Variants in HDAC4 observed in about 807,000 individuals in gnomAD.
HDAC4 encodes histone deacetylase 4, also known as histone deacetylase A.
HDAC4 carries 16 observed loss-of-function variants against 135.1 expected under a neutral mutation model. The ratio of observed to expected loss-of-function variants is 0.12; its 90% confidence interval spans 0.08 to 0.18. The LOEUF (loss-of-function observed/expected upper bound fraction) is 0.18. HDAC4 is among the 10% of genes least tolerant of loss of function. HDAC4 has a pLI of 1.00. For synonymous variants in HDAC4, 685 were observed against 653.4 expected, an observed-to-expected ratio of 1.05 and a Z score of -0.74; for missense variants, 1,143 against 1,511.8, an observed-to-expected ratio of 0.76 and a Z score of 4.05.
intron 6 of HDAC4, chr2:239,161,906 G>A: frequency 2.8e-6 from 1 of 363,446 alleles, no homozygotes; most frequent in Non-Finnish European, 5.5e-6. Flanking sequence ...CTTCTCCCGT[G>A]GCCTCCTTGA....
At chr2:239,342,560 CAG>C (rs1036885582) in intron 2 of HDAC4, among the ~76,000 whole-genome samples, 2 of 152,146 alleles carry the variant, frequency 1.3e-5, no homozygotes, top group African/African-American at 4.8e-5. Context: ...TTTGAAAGTA[CAG>C]AGTCTTGGTG....
chr2:239,100,346 G>A (rs1284966453), intron 16 of HDAC4, among the ~76,000 whole-genome samples: 1 of 152,192 alleles, frequency 6.6e-6, no homozygotes, highest in East Asian at 1.9e-4. Context: ...TGACATCACC[G>A]TATCTTCCAG....
intron 14 of HDAC4, among the ~76,000 whole-genome samples, chr2:239,110,906 GC>G (rs1432300034): frequency 1.3e-5 from 2 of 152,206 alleles, no homozygotes; most frequent in Non-Finnish European, 1.5e-5. Context: ...CCAGGGCCCG[GC>G]CCCTCCTGCC....
In HDAC4 at chr2:239,113,817, A is replaced by G. The variant is rs753038520; in HGVS notation, c.1791+1236T>C. On this transcript the variant is annotated intron_variant, in intron 13 of 26. Coordinates refer to ENST00000543185, the MANE Select transcript of HDAC4 (RefSeq NM_001378414.1). ...ATGAAGCACCGTGTGTGTGCCAGAG[A>G]GGCCCGGGGCTTTCTCTCTCTGTCT... Among the ~76,000 whole-genome samples, 173 of 152,244 alleles carry G rather than the reference A, an allele frequency of 1.1e-3. 1 individual carries two copies. The Middle Eastern group carries it at 0.024, about 21-fold the overall frequency.
At chr2:239,130,520 C>A (rs2040501541) in intron 11 of HDAC4, among the ~76,000 whole-genome samples, 2 of 150,902 alleles carry the variant, frequency 1.3e-5, no homozygotes, top group African/African-American at 4.8e-5. Context: ...GGGCCACCTC[C>A]ACGAGGCATA....
At chr2:239,151,887 T>A (rs1429418375) in intron 7 of HDAC4, among the ~76,000 whole-genome samples, 1 of 152,050 alleles carries the variant, frequency 6.6e-6, no homozygotes, top group Non-Finnish European at 1.5e-5. Flanking sequence ...CAGGGACACA[T>A]GAGGATGCTG....
chr2:239,363,241 A>C (rs1693971667), intron 1 of HDAC4, among the ~76,000 whole-genome samples: 1 of 152,268 alleles, frequency 6.6e-6, no homozygotes, highest in Non-Finnish European at 1.5e-5. Context: ...AGTAATCGGC[A>C]GTCAATGCAA....
intron 22 of HDAC4, among the ~76,000 whole-genome samples, chr2:239,071,273 G>C (rs1303724819): frequency 6.6e-6 from 1 of 152,020 alleles, no homozygotes; most frequent in African/African-American, 2.4e-5. Flanking sequence ...CAAAAATCCG[G>C]GTGTGGTGGC....
intron 9 of HDAC4, among the ~76,000 whole-genome samples, chr2:239,135,426 G>C (rs1238735473): frequency 6.6e-6 from 1 of 152,184 alleles, no homozygotes; most frequent in African/African-American, 2.4e-5. Flanking sequence ...TCAGGAAGGG[G>C]AAGGCGCTCA....
chr2:239,249,935 C>A (rs948613451), intron 2 of HDAC4, among the ~76,000 whole-genome samples: 1 of 152,232 alleles, frequency 6.6e-6, no homozygotes, highest in African/African-American at 2.4e-5. Flanking sequence ...TCTCACCCCG[C>A]GACAGCTGTG....
At chr2:239,267,567 G>C (rs2049811929) in intron 2 of HDAC4, among the ~76,000 whole-genome samples, 1 of 152,268 alleles carries the variant, frequency 6.6e-6, no homozygotes, top group South Asian at 2.1e-4. Flanking sequence ...CAAGAAACTA[G>C]CCACAAACCG....
intron 3 of HDAC4, among the ~76,000 whole-genome samples, chr2:239,222,157 C>T (rs927645608): frequency 6.6e-6 from 1 of 152,172 alleles, no homozygotes; most frequent in African/African-American, 2.4e-5. Context: ...GCTTTTACGG[C>T]AGCCCGTGAT....
chr2:239,301,226 C>T (rs1253221420), intron 2 of HDAC4, among the ~76,000 whole-genome samples: 2 of 152,214 alleles, frequency 1.3e-5, no homozygotes, highest in African/African-American at 4.8e-5. Flanking sequence ...CTCTTCCCAG[C>T]CTCTGGTTCT....
chr2:239,114,771 T>C (rs1295714251), intron 13 of HDAC4, among the ~76,000 whole-genome samples: 3 of 152,202 alleles, frequency 2.0e-5, no homozygotes, highest in Admixed American at 6.5e-5. Context: ...ATTTACAGCC[T>C]ACAGACAGGA....
intron 16 of HDAC4, chr2:239,102,479 C>T (rs1282135230): frequency 2.2e-5 from 9 of 411,726 alleles, no homozygotes; most frequent in Admixed American, 7.2e-5. Context: ...CAGGGCAGGG[C>T]GGGCAGCATG....
rs571032993 is a variant in HDAC4, at chr2:239,179,151, C to T, written c.340-2588G>A. ...CGCCTGAGGCATAGAGTGGGGTGTGCGTGCGAGGCAGCCACTGGATGCCTG... is the reference window on the plus strand; with the variant it reads ...CGCCTGAGGCATAGAGTGGGGTGTGTGTGCGAGGCAGCCACTGGATGCCTG... On this transcript the variant is annotated intron_variant, in intron 4 of 26. Transcript: ENST00000543185. Among the ~76,000 whole-genome samples the T allele has an allele frequency of 1.2e-3, 184 of 150,394 alleles. 1 individual carries two copies. The highest frequency in any genetic ancestry group is 2.1e-3 in the Non-Finnish European group (142 of 67,442).
chr2:239,249,544 G>A (rs145395155), intron 2 of HDAC4, among the ~76,000 whole-genome samples: 310 of 152,110 alleles, frequency 2.0e-3, no homozygotes, highest in Non-Finnish European at 3.7e-3. Context: ...CAAACAGTAC[G>A]TCTAAACCTC....
At chr2:239,344,841 C>T (rs1409610526) in intron 2 of HDAC4, among the ~76,000 whole-genome samples, 2 of 152,174 alleles carry the variant, frequency 1.3e-5, no homozygotes, top group Non-Finnish European at 2.9e-5. Flanking sequence ...TTTCTGTTGT[C>T]CTTCTCTAAA....
chr2:239,080,839 C>G, intron 22 of HDAC4: 1 of 557,590 alleles, frequency 1.8e-6, no homozygotes, highest in Non-Finnish European at 3.2e-6. Flanking sequence ...ATCACTCTCT[C>G]ACCATCGACC....
Sources: allele counts gnomAD v4.1 joint callset (sites outside exome capture counted in the v4.1 genomes callset), GRCh38; gene constraint gnomAD v4.1.1; transcripts MANE v1.5; gene names NCBI Gene and HGNC (gene_info 2026-07-23, HGNC 2026-07-21).